The following SCFD2 variants were observed in gnomAD, a reference collection of about 807,000 sequenced individuals.
The protein encoded by SCFD2 is sec1 family domain containing 2, also known as sec1 family domain-containing protein 2.
SCFD2 carries 54 observed loss-of-function variants against 58.9 expected under a neutral mutation model. The observed-to-expected ratio is 0.92, with a 90% CI of 0.74 to 1.15. The LOEUF (loss-of-function observed/expected upper bound fraction) is 1.15. Among genes scored for constraint, SCFD2 ranks in the 50% most tolerant of loss-of-function variants. The pLI, the probability that SCFD2 is intolerant of heterozygous loss-of-function variation, is 0.00. For synonymous variants in SCFD2, 321 were observed against 335.9 expected, an observed-to-expected ratio of 0.96 and a Z score of 0.49; for missense variants, 805 against 836.6, an observed-to-expected ratio of 0.96 and a Z score of 0.47.
rs1002804400 is a variant in SCFD2 at position 53,100,080 on chromosome 4, A to G, written c.1561+45253T>C. On this transcript the variant is annotated intron_variant, in intron 5 of 8. Transcript: ENST00000401642. Reference sequence around the variant, plus strand: ...AATGGACATCAGGAAACTGATGAAGAAAACAATAATAATAATAGCAATCTG... The same window carrying G: ...AATGGACATCAGGAAACTGATGAAGGAAACAATAATAATAATAGCAATCTG... 7.9e-4 allele frequency among the ~76,000 whole-genome samples: 120 copies of G among 152,188 alleles called. 1 individual carries two copies. The highest frequency in any genetic ancestry group is 7.8e-3 in the Admixed American group (119 of 15,264).
intron 4 of SCFD2, among the ~76,000 whole-genome samples, chr4:53,180,214 C>A (rs1009960915): frequency 6.6e-6 from 1 of 152,182 alleles, no homozygotes; most frequent in African/African-American, 2.4e-5. Context: ...TTCAGCACCA[C>A]AACACACCTA....
intron 4 of SCFD2, among the ~76,000 whole-genome samples, chr4:53,212,898 C>T (rs1728667897): frequency 6.6e-6 from 1 of 151,276 alleles, no homozygotes; most frequent in African/African-American, 2.4e-5. Context: ...ATCTTGTTAA[C>T]AAATACAGTT....
chr4:53,100,208 G>T (rs1724793420), intron 5 of SCFD2, among the ~76,000 whole-genome samples: 2 of 152,098 alleles, frequency 1.3e-5, no homozygotes, highest in African/African-American at 4.8e-5. Flanking sequence ...CTACCTGGTT[G>T]AACTTGGGCA....
intron 5 of SCFD2, among the ~76,000 whole-genome samples, chr4:53,122,838 T>C (rs1320411566): frequency 6.6e-6 from 1 of 152,210 alleles, no homozygotes; most frequent in African/African-American, 2.4e-5. Context: ...GTACTTATTC[T>C]AAATGTTTTC....
At chr4:52,893,962 A>G (rs1167823623) in intron 7 of SCFD2, among the ~76,000 whole-genome samples, 4 of 152,070 alleles carry the variant, frequency 2.6e-5, no homozygotes, top group Non-Finnish European at 4.4e-5. Context: ...TCTTTAAGTT[A>G]TTGCAATTTG....
At chr4:52,961,359 A>G (rs1452848669) in intron 5 of SCFD2, among the ~76,000 whole-genome samples, 1 of 152,208 alleles carries the variant, frequency 6.6e-6, no homozygotes, top group Non-Finnish European at 1.5e-5. Flanking sequence ...AACTAAGAAT[A>G]AGGCCAACAC....
chr4:52,987,716 G>T lies in SCFD2; in HGVS notation c.1562-66846C>A, dbSNP rs1369598043. 2.6e-5 allele frequency among the ~76,000 whole-genome samples: 4 copies of T among 152,136 alleles called. No individual in the cohort carries two copies. The East Asian group carries it at 7.7e-4, about 29-fold the overall frequency. ...ATCTCTGTTCAGATTCATTTATCTT[G>T]ATTTTTTTCATTTACTTGACTTATT... On this transcript the variant is annotated intron_variant, in intron 5 of 8. Transcript: ENST00000401642.
intron 5 of SCFD2, among the ~76,000 whole-genome samples, chr4:53,018,360 A>C (rs907191435): frequency 1.3e-5 from 2 of 152,178 alleles, no homozygotes; most frequent in Admixed American, 6.5e-5. Flanking sequence ...CACCCAGAAA[A>C]AGACAGATCT....
intron 5 of SCFD2, among the ~76,000 whole-genome samples, chr4:52,944,304 C>G (rs1403205866): frequency 6.6e-6 from 1 of 152,048 alleles, no homozygotes; most frequent in Non-Finnish European, 1.5e-5. Context: ...AGTTCTATAC[C>G]AAAATGTCTC....
At chr4:53,143,665 A>G (rs1007248892) in intron 5 of SCFD2, among the ~76,000 whole-genome samples, 1 of 152,164 alleles carries the variant, frequency 6.6e-6, no homozygotes, top group African/African-American at 2.4e-5. Context: ...ACAGCTGCAC[A>G]TTCTGCTCCC....
intron 5 of SCFD2, among the ~76,000 whole-genome samples, chr4:53,099,648 G>C (rs1189451954): frequency 6.6e-6 from 1 of 152,162 alleles, no homozygotes; most frequent in Non-Finnish European, 1.5e-5. Flanking sequence ...AGTCTGAGGA[G>C]AGGTGTCAGC....
intron 5 of SCFD2, among the ~76,000 whole-genome samples, chr4:52,924,614 G>A (rs1234777777): frequency 6.6e-6 from 1 of 151,952 alleles, no homozygotes; most frequent in African/African-American, 2.4e-5. Context: ...AGGGATACTG[G>A]GCCAAAGGTG....
intron 5 of SCFD2, among the ~76,000 whole-genome samples, chr4:52,977,412 T>A (rs1721280093): frequency 6.6e-6 from 1 of 152,084 alleles, no homozygotes; most frequent in Admixed American, 6.6e-5. Context: ...GGGTCAGGGC[T>A]GGCAGTCATA....
intron 4 of SCFD2, among the ~76,000 whole-genome samples, chr4:53,269,334 A>T (rs1014466113): frequency 1.1e-4 from 17 of 152,088 alleles, no homozygotes; most frequent in Non-Finnish European, 2.5e-4. Context: ...AAAAAAATTT[A>T]AAAAAGAACT....
chr4:53,347,094 T>C (rs1195980990), intron 2 of SCFD2, among the ~76,000 whole-genome samples: 3 of 152,208 alleles, frequency 2.0e-5, no homozygotes, highest in Non-Finnish European at 4.4e-5. Flanking sequence ...GTGTAAGAGG[T>C]AGCTAATGTA....
chr4:53,317,817 T>C (rs1732910489), intron 2 of SCFD2, among the ~76,000 whole-genome samples: 2 of 152,230 alleles, frequency 1.3e-5, no homozygotes, highest in Non-Finnish European at 2.9e-5. Context: ...TAAATGGGGA[T>C]GGTAATAGTA....
intron 7 of SCFD2, among the ~76,000 whole-genome samples, chr4:52,894,256 A>G (rs1718948317): frequency 6.6e-6 from 1 of 152,218 alleles, no homozygotes; most frequent in South Asian, 2.1e-4. Context: ...TAAAAAGCAC[A>G]CATAAAAGGA....
chr4:53,247,920 C>T lies in SCFD2; in HGVS notation c.1311+25906G>A, dbSNP rs1348383349. Among the ~76,000 whole-genome samples the T allele has an allele frequency of 5.3e-5, 8 of 151,042 alleles. No individual in the cohort carries two copies. In the East Asian group the frequency reaches 1.6e-3, roughly 29 times the overall value. ...AACAAGATCATGTTTGGGGGAGGAGCCAAGATGGCCGAATAGGAACAGCTC... is the reference window on the plus strand; with the variant it reads ...AACAAGATCATGTTTGGGGGAGGAGTCAAGATGGCCGAATAGGAACAGCTC... On this transcript the variant is annotated intron_variant, in intron 4 of 8. Transcript: ENST00000401642.
chr4:53,335,626 T>A (rs142079521), intron 2 of SCFD2, among the ~76,000 whole-genome samples: 1 of 152,190 alleles, frequency 6.6e-6, no homozygotes, highest in African/African-American at 2.4e-5. Context: ...ATGGGCATCA[T>A]GTTAGCAAAT....
Sources: allele counts gnomAD v4.1 joint callset (sites outside exome capture counted in the v4.1 genomes callset), GRCh38; gene constraint gnomAD v4.1.1; transcripts MANE v1.5; gene names NCBI Gene and HGNC (gene_info 2026-07-23, HGNC 2026-07-21).